Variants in DLGAP3 observed in about 807,000 individuals in gnomAD.
The protein encoded by DLGAP3 is DLG associated protein 3.
DLGAP3 carries 17 observed loss-of-function variants against 81.2 expected under a neutral mutation model. The ratio of observed to expected loss-of-function variants is 0.21; its 90% CI spans 0.14 to 0.31. DLGAP3 has a LOEUF of 0.31. DLGAP3 is among the 10% of genes least tolerant of loss of function. The probability of loss-of-function intolerance (pLI) is 1.00; values close to 1 mark genes in which losing one functional copy is unlikely to be tolerated. For missense variants in DLGAP3, 1,124 were observed against 1,388.0 expected (o/e 0.81, Z 3.02); for synonymous variants, 577 against 587.4 (o/e 0.98, Z 0.26).
chr1:34,867,234 G>A lies in DLGAP3; in HGVS notation c.2578-43C>T, dbSNP rs767885655. On this transcript the variant is annotated intron_variant, in intron 10 of 11. Coordinates refer to ENST00000373347, the MANE Select transcript of DLGAP3 (RefSeq NM_001080418.3). The surrounding 1 kb of genome is among the most constrained non-coding windows in gnomAD (Gnocchi z 4.3). Reference sequence around the variant, plus strand: ...GGAGGGAAAGTGATTGGTCAAGGAGGTCTGAGCCCCAGCCAGGACAAGAGA... The same window carrying A: ...GGAGGGAAAGTGATTGGTCAAGGAGATCTGAGCCCCAGCCAGGACAAGAGA... 6.2e-7 allele frequency: 1 copy of A among 1,613,188 alleles called. No individual in the cohort carries two copies. The highest frequency in any genetic ancestry group is 8.5e-7 in the Non-Finnish European group (1 of 1,179,456).
At chr1:34,901,068 G>GT (rs1639452529) in intron 3 of DLGAP3, among the ~76,000 whole-genome samples, 1 of 152,120 alleles carries the variant, frequency 6.6e-6, no homozygotes, top group Admixed American at 6.5e-5. Context: ...GGGAAAGGTG[G>GT]TAGGGTCGGG....
At position 34,869,065 on chromosome 1, in the gene DLGAP3, A is replaced by T. The variant is rs756178729; in HGVS notation, c.2025T>A (p.Asn675Lys). The T allele has an allele frequency of 1.3e-6, 2 of 1,596,712 alleles. No individual in the cohort carries two copies. The highest frequency in any genetic ancestry group is 1.7e-6 in the Non-Finnish European group (2 of 1,178,208). Residue 675 changes from asparagine (N) to lysine (K), a missense_variant, in exon 9 of 12, where the codon AAT (asparagine) becomes AAA (lysine). Physicochemically the swap from Asn to Lys is moderately conservative, Grantham distance 94. Around this residue, in one of 9 missense-constraint regions of DLGAP3, gnomAD observed 379 missense variants for 455.7 expected, o/e 0.83. Coordinates refer to ENST00000373347, the MANE Select transcript of DLGAP3 (RefSeq NM_001080418.3). ...DKRRARFKRSNSVTAGVQADL... is the reference protein window; with the variant it reads ...DKRRARFKRSKSVTAGVQADL... ...CTGCCTGCACGCCAGCCGTCACACT[A>T]TTGGAGCGCTTGAACCTTGCTCGCC...
intron 8 of DLGAP3, among the ~76,000 whole-genome samples, chr1:34,882,654 G>A (rs904517020): frequency 1.3e-5 from 2 of 152,178 alleles, no homozygotes; most frequent in African/African-American, 4.8e-5. Context: ...TAGCCTTCTC[G>A]TTTCCACTAT....
At chr1:34,925,441 T>A (rs1639858798) in intron 1 of DLGAP3, 1 of 152,384 alleles carries the variant, frequency 6.6e-6, no homozygotes, top group Non-Finnish European at 1.5e-5. Flanking sequence ...CCCCACACCC[T>A]GTTCTGAGCC....
intron 1 of DLGAP3, among the ~76,000 whole-genome samples, chr1:34,916,542 T>C (rs1410047075): frequency 6.6e-6 from 1 of 152,210 alleles, no homozygotes; most frequent in African/African-American, 2.4e-5. Context: ...AGCTTAGAAA[T>C]GTAAAGAAAA....
chr1:34,898,444 G>A (rs962092340), intron 5 of DLGAP3, among the ~76,000 whole-genome samples: 39 of 152,314 alleles, frequency 2.6e-4, no homozygotes, highest in African/African-American at 8.9e-4. Flanking sequence ...GCATTAACTC[G>A]TGGGTTTAAC....
intron 8 of DLGAP3, among the ~76,000 whole-genome samples, chr1:34,874,948 G>C (rs1639029260): frequency 6.6e-6 from 1 of 152,046 alleles, no homozygotes; most frequent in Non-Finnish European, 1.5e-5. Context: ...TAATCAAGCA[G>C]GGGTCACTGA....
intron 1 of DLGAP3, chr1:34,925,328 C>T (rs1639856608): frequency 6.5e-6 from 1 of 152,744 alleles, no homozygotes; most frequent in Non-Finnish European, 1.5e-5. Context: ...TTCTAAAAAC[C>T]ACTTTCCTTC....
intron 1 of DLGAP3, among the ~76,000 whole-genome samples, chr1:34,908,957 G>A (rs1474230027): frequency 1.3e-5 from 2 of 152,208 alleles, no homozygotes; most frequent in Non-Finnish European, 2.9e-5. Context: ...GCACCTGGAA[G>A]CATCTCTCTG....
chr1:34,883,248 T>A (rs1639170968), intron 8 of DLGAP3, among the ~76,000 whole-genome samples: 1 of 152,246 alleles, frequency 6.6e-6, no homozygotes, highest in Non-Finnish European at 1.5e-5. Flanking sequence ...TTTAACACAG[T>A]GCATAGGAGC....
chr1:34,928,446 A>G (rs1046450435), intron 1 of DLGAP3, among the ~76,000 whole-genome samples: 3 of 152,006 alleles, frequency 2.0e-5, no homozygotes, highest in Non-Finnish European at 4.4e-5. Flanking sequence ...GGGCCTTAGC[A>G]TGCAGGAAGG....
chr1:34,878,150 C>A (rs952607759), intron 8 of DLGAP3, among the ~76,000 whole-genome samples: 1 of 151,834 alleles, frequency 6.6e-6, no homozygotes, highest in African/African-American at 2.4e-5. Flanking sequence ...CCTAAAAATA[C>A]AAAAAAATTA....
At chr1:34,879,419 G>A (rs913153675) in intron 8 of DLGAP3, among the ~76,000 whole-genome samples, 4 of 152,200 alleles carry the variant, frequency 2.6e-5, no homozygotes, top group African/African-American at 4.8e-5. Context: ...AGATCTGACA[G>A]CAGGCGGAGC....
intron 8 of DLGAP3, among the ~76,000 whole-genome samples, chr1:34,875,368 C>T (rs1022618629): frequency 5.9e-5 from 9 of 152,144 alleles, no homozygotes; most frequent in Non-Finnish European, 1.0e-4. Flanking sequence ...ATTTGAATTT[C>T]AGATAAATAA....
In DLGAP3 at chr1:34,868,445, G is replaced by T. The variant is rs1022029411; in HGVS notation, c.2485+160C>A. ...TCAAGAGCTCCCAGCATGTCTTGCTGCCGATGTTGACCCGCCACGCTCCAG... is the reference window on the plus strand; with the variant it reads ...TCAAGAGCTCCCAGCATGTCTTGCTTCCGATGTTGACCCGCCACGCTCCAG... On this transcript the variant is annotated intron_variant, in intron 9 of 11. Coordinates refer to ENST00000373347, the MANE Select transcript of DLGAP3 (RefSeq NM_001080418.3). This position sits in a 1 kb window ranked among gnomAD's most constrained non-coding sequence, Gnocchi z 7.5. 6.6e-6 allele frequency among the ~76,000 whole-genome samples: 1 copy of T among 152,120 alleles called. No homozygotes were observed. Among genetic ancestry groups the T allele is most frequent in the Non-Finnish European group, 1.5e-5 (1 of 68,020 alleles).
Position 34,868,819 on chromosome 1 carries a change from G to A in DLGAP3, c.2271C>T (p.Gly757=). 6.3e-6 allele frequency: 10 copies of A among 1,580,350 alleles called. No individual in the cohort carries two copies. Among genetic ancestry groups the A allele is most frequent in the Non-Finnish European group, 8.6e-6 (10 of 1,168,322 alleles). ...YEPPATDGSP[G]PAPAPTPGPG... is the part of the protein sequence containing the mutation. ...GGCCGGGGGTGGGGGCGGGGGCAGG[G>A]CCGGGCGACCCATCGGTGGCCGGCG... The change falls in exon 9 of 12, where the codon GGC becomes GGT. Residue 757 remains glycine, a synonymous_variant. Coordinates refer to ENST00000373347, the MANE Select transcript of DLGAP3 (RefSeq NM_001080418.3). This position sits in a 1 kb window ranked among gnomAD's most constrained non-coding sequence, Gnocchi z 7.5.
At chr1:34,926,556 G>C (rs2148422995) in intron 1 of DLGAP3, among the ~76,000 whole-genome samples, 1 of 152,192 alleles carries the variant, frequency 6.6e-6, no homozygotes, top group East Asian at 1.9e-4. Flanking sequence ...ACTCTACCAA[G>C]TGGGAATGAA....
Position 34,867,479 on chromosome 1 carries a change from C to T in DLGAP3, c.2577+57G>A. On this transcript the variant is annotated intron_variant, in intron 10 of 11. Coordinates refer to ENST00000373347, the MANE Select transcript of DLGAP3 (RefSeq NM_001080418.3). The surrounding 1 kb of genome is among the most constrained non-coding windows in gnomAD (Gnocchi z 4.3). ...GGTCACCTGCCTGTCTCACCTCCAG[C>T]ACACACACACTCTGGGTCACATGTA... 6.9e-7 allele frequency: 1 copy of T among 1,456,040 alleles called. No homozygotes were observed. The allele number at this position is 1,456,040 out of a possible 1,614,324, so 90.2% of individuals were successfully genotyped here. A position where few individuals can be genotyped will look rare whatever the true frequency, so the allele number is the denominator to read the frequency against.
intron 1 of DLGAP3, among the ~76,000 whole-genome samples, chr1:34,928,872 T>C (rs1241244469): frequency 1.3e-5 from 2 of 151,276 alleles, no homozygotes; most frequent in Non-Finnish European, 2.9e-5. Flanking sequence ...TTCACTCACA[T>C]GTCCACAGAT....
Sources: allele counts gnomAD v4.1 joint callset (sites outside exome capture counted in the v4.1 genomes callset), GRCh38; gene constraint gnomAD v4.1.1; regional missense constraint gnomAD v4.1.1; non-coding constraint Gnocchi (gnomAD v3.1); transcripts MANE v1.5; gene names NCBI Gene and HGNC (gene_info 2026-07-23, HGNC 2026-07-21).